The following ZBTB7C variants were observed in gnomAD, a reference collection of about 807,000 sequenced individuals.
The protein encoded by ZBTB7C is zinc finger and BTB domain containing 7C, also known as zinc finger and BTB domain-containing protein 7C.
In ZBTB7C, 8 loss-of-function variants were observed where a neutral mutation model predicts 25.7. That is an observed-to-expected ratio of 0.31 (90% CI 0.18 to 0.56). The LOEUF is 0.56. ZBTB7C is among the 20% of genes least tolerant of loss of function. ZBTB7C has a pLI of 0.91. For missense variants in ZBTB7C, 824 were observed against 855.2 expected, an observed-to-expected ratio of 0.96 and a Z score of 0.46; for synonymous variants, 394 against 369.0, an observed-to-expected ratio of 1.07 and a Z score of -0.78.
chr18:48,292,058 C>T (rs943488965), intron 2 of ZBTB7C, among the ~76,000 whole-genome samples: 14 of 152,028 alleles, frequency 9.2e-5, no homozygotes, highest in Admixed American at 3.3e-4. Context: ...ATTAGCTGGG[C>T]GTGGTGGTGG....
At chr18:48,166,580 T>G (rs2041252323) in intron 3 of ZBTB7C, among the ~76,000 whole-genome samples, 1 of 152,064 alleles carries the variant, frequency 6.6e-6, no homozygotes, top group Admixed American at 6.5e-5. Flanking sequence ...AGTCCCCTGG[T>G]CCCCAGCAGG....
chr18:48,140,912 CT>C (rs905248657), intron 3 of ZBTB7C, among the ~76,000 whole-genome samples: 12 of 152,288 alleles, frequency 7.9e-5, no homozygotes, highest in Admixed American at 2.6e-4. Context: ...TCTATCCCCT[CT>C]CACCTTGACT....
intron 2 of ZBTB7C, among the ~76,000 whole-genome samples, chr18:48,263,311 G>A (rs945922721): frequency 1.3e-5 from 2 of 152,184 alleles, no homozygotes; most frequent in Non-Finnish European, 2.9e-5. Flanking sequence ...CCACTCACGT[G>A]GCACCAGCAC....
chr18:48,257,120 T>TA (rs897453926), intron 2 of ZBTB7C, among the ~76,000 whole-genome samples: 2 of 151,690 alleles, frequency 1.3e-5, no homozygotes, highest in Non-Finnish European at 2.9e-5. Context: ...ACTTTAAATA[T>TA]AAAAAAAGAT....
At chr18:48,174,330 C>T (rs2041597430) in intron 3 of ZBTB7C, among the ~76,000 whole-genome samples, 3 of 152,146 alleles carry the variant, frequency 2.0e-5, no homozygotes, top group Non-Finnish European at 1.5e-5. Context: ...GATCATTAAA[C>T]ATATGAAAAA....
intron 2 of ZBTB7C, among the ~76,000 whole-genome samples, chr18:48,201,597 T>C (rs1198087337): frequency 6.6e-6 from 1 of 151,912 alleles, no homozygotes; most frequent in Non-Finnish European, 1.5e-5. Context: ...CCAGGTGTCC[T>C]GCCTCTCCTC....
chr18:48,143,084 T>A (rs2040397919), intron 3 of ZBTB7C, among the ~76,000 whole-genome samples: 1 of 152,142 alleles, frequency 6.6e-6, no homozygotes. Flanking sequence ...TTCAGCCCCA[T>A]CCTTAGGCAA....
Position 48,075,503 on chromosome 18 carries a change from C to G in ZBTB7C, c.-16-34380G>C, listed in dbSNP as rs555062363. Among the ~76,000 whole-genome samples the G allele has an allele frequency of 2.0e-5, 3 of 152,274 alleles. No individual in the cohort carries two copies. In the East Asian group the frequency reaches 5.8e-4, roughly 30 times the overall value. On this transcript the variant is annotated intron_variant, in intron 3 of 4. Transcript: ENST00000590800. Reference sequence around the variant, plus strand: ...GGAGTTCCAGGAAACACAGAGCAGCCCTTCTTCCCTCACCGTGGGCTTGGC... The same window carrying G: ...GGAGTTCCAGGAAACACAGAGCAGCGCTTCTTCCCTCACCGTGGGCTTGGC...
chr18:48,041,574 T>C (rs2036242459), intron 3 of ZBTB7C: 9 of 976,450 alleles, frequency 9.2e-6, no homozygotes, highest in Non-Finnish European at 1.1e-5. Flanking sequence ...TCACAAATCC[T>C]CTGATTCTGT....
At chr18:48,175,387 C>T (rs1281317671) in intron 3 of ZBTB7C, among the ~76,000 whole-genome samples, 1 of 152,078 alleles carries the variant, frequency 6.6e-6, no homozygotes, top group Non-Finnish European at 1.5e-5. Flanking sequence ...GGTTTCACTG[C>T]TGAAGAAGGA....
chr18:48,218,369 G>T (rs539147170), intron 2 of ZBTB7C, among the ~76,000 whole-genome samples: 1 of 152,310 alleles, frequency 6.6e-6, no homozygotes, highest in Non-Finnish European at 1.5e-5. Context: ...TGCTGCCTCT[G>T]CCCCCAGGTA....
chr18:48,392,384 A>C (rs2047923029), intron 1 of ZBTB7C, among the ~76,000 whole-genome samples: 1 of 152,218 alleles, frequency 6.6e-6, no homozygotes, highest in Non-Finnish European at 1.5e-5. Context: ...AAAAGAATGT[A>C]ACTGGGATTT....
Position 48,041,102 on chromosome 18 carries a change from G to A in ZBTB7C, c.6C>T (p.Ala2=). M[A]NDIDELIGIP... ...TGCCAATGAGCTCATCAATGTCATT[G>A]GCCATGTTCTCAGCCAGAGCCCTGC... The change falls in exon 4 of 5, where the codon GCC becomes GCT. Residue 2 remains alanine, a synonymous_variant. Coordinates refer to ENST00000590800, the MANE Select transcript of ZBTB7C (RefSeq NM_001318841.2). The A allele has an allele frequency of 6.3e-7, 1 of 1,596,234 alleles. No individual in the cohort carries two copies. Among genetic ancestry groups the A allele is most frequent in the Non-Finnish European group, 8.6e-7 (1 of 1,168,324 alleles).
chr18:48,186,998 A>G (rs1438530346), intron 2 of ZBTB7C, among the ~76,000 whole-genome samples: 1 of 152,198 alleles, frequency 6.6e-6, no homozygotes, highest in Non-Finnish European at 1.5e-5. Context: ...GCGCAGACTG[A>G]GCAGCCTAGC....
At chr18:48,411,056 T>G (rs368520460), upstream of ZBTB7C, among the ~76,000 whole-genome samples, 2 of 151,512 alleles carry the variant, frequency 1.3e-5, no homozygotes, top group Non-Finnish European at 2.9e-5. Context: ...GATTTTTTTT[T>G]AAACCATTTC....
chr18:48,114,924 A>G (rs575536281), intron 3 of ZBTB7C, among the ~76,000 whole-genome samples: 55 of 152,236 alleles, frequency 3.6e-4, no homozygotes, highest in Non-Finnish European at 7.3e-4. Context: ...AAATATGTAT[A>G]TAACATAAAA....
chr18:48,046,754 AC>A (rs2036484416), intron 3 of ZBTB7C, among the ~76,000 whole-genome samples: 1 of 152,136 alleles, frequency 6.6e-6, no homozygotes, highest in Non-Finnish European at 1.5e-5. Flanking sequence ...AGCAATGTCT[AC>A]TTGCGACTCA....
intron 1 of ZBTB7C, among the ~76,000 whole-genome samples, chr18:48,390,967 C>A (rs1325461043): frequency 6.6e-6 from 1 of 152,204 alleles, no homozygotes; most frequent in Non-Finnish European, 1.5e-5. Flanking sequence ...AAGACAACTG[C>A]CATGGGTGAG....
rs61078538 is a variant in ZBTB7C at position 48,303,939 on chromosome 18, G to T, written c.-79+34235C>A. 1.5e-3 allele frequency among the ~76,000 whole-genome samples: 234 copies of T among 152,346 alleles called. 2 individuals are homozygous for T. In the East Asian group the frequency reaches 0.038, roughly 25 times the overall value. On this transcript the variant is annotated intron_variant, in intron 2 of 4. Coordinates refer to ENST00000590800, the MANE Select transcript of ZBTB7C (RefSeq NM_001318841.2). ...AAGGCTTTACTCTGTGCCAGGTGCT[G>T]TTCTAAGCCCTTAACAAGCGCTAAC...
Sources: gnomAD v4.1 joint callset for allele counts (sites outside exome capture counted in the v4.1 genomes callset) on GRCh38, gnomAD v4.1.1 for gene constraint, MANE v1.5 for transcripts, NCBI Gene and HGNC (gene_info 2026-07-23, HGNC 2026-07-21) for gene names.